MYO16: variants seen among roughly 807,000 people sequenced by gnomAD.
MYO16 encodes the protein unconventional myosin-XVI.
MYO16 carries 94 observed loss-of-function variants against 205.3 expected under a neutral mutation model. That is an observed-to-expected ratio of 0.46 (90% CI 0.39 to 0.54). The LOEUF (loss-of-function observed/expected upper bound fraction) is 0.54, where lower values mean the gene tolerates loss of function less well. Among genes scored for constraint, MYO16 ranks in the 20% least tolerant of loss-of-function variants. MYO16 has a pLI of 0.00. For missense variants in MYO16, 2,315 were observed against 2,387.5 expected (o/e 0.97, Z 0.63); for synonymous variants, 988 against 954.0 (o/e 1.04, Z -0.66).
intron 14 of MYO16, among the ~76,000 whole-genome samples, chr13:108,897,032 T>G (rs1161361578): frequency 6.6e-6 from 1 of 151,782 alleles, no homozygotes; most frequent in East Asian, 1.9e-4. Context: ...TTAAAAAAAG[T>G]GGGATCAAAG....
chr13:109,124,048 C>T (rs1594105079), intron 29 of MYO16, among the ~76,000 whole-genome samples: 1 of 152,202 alleles, frequency 6.6e-6, no homozygotes, highest in Admixed American at 6.5e-5. Context: ...CAGAATTCCT[C>T]TACCTGCACT....
At chr13:109,020,658 G>T (rs1885990065) in intron 23 of MYO16, among the ~76,000 whole-genome samples, 1 of 152,048 alleles carries the variant, frequency 6.6e-6, no homozygotes, top group Admixed American at 6.6e-5. Context: ...ATCCATGTTT[G>T]TTTATCCTCA....
chr13:108,840,370 G>T (rs746979982), intron 9 of MYO16, among the ~76,000 whole-genome samples: 31 of 152,084 alleles, frequency 2.0e-4, no homozygotes, highest in Non-Finnish European at 2.8e-4. Context: ...CAGTTGGAAG[G>T]CAGGGCATAG....
At chr13:109,178,823 A>T (rs1034723964) in intron 33 of MYO16, among the ~76,000 whole-genome samples, 4 of 152,230 alleles carry the variant, frequency 2.6e-5, no homozygotes, top group African/African-American at 9.6e-5. Flanking sequence ...GCAAAGAATT[A>T]TACAGGCCAA....
At chr13:109,154,614 A>G (rs1336565600) in intron 32 of MYO16, among the ~76,000 whole-genome samples, 1 of 152,060 alleles carries the variant, frequency 6.6e-6, no homozygotes, top group African/African-American at 2.4e-5. Flanking sequence ...TGTAGGTGTC[A>G]CCAACACGAA....
intron 1 of MYO16, among the ~76,000 whole-genome samples, chr13:108,651,140 TG>T (rs1418937397): frequency 4.6e-5 from 7 of 152,160 alleles, no homozygotes; most frequent in Non-Finnish European, 7.4e-5. Context: ...CTCCAGAGCC[TG>T]GATGTAGCTG....
intron 32 of MYO16, among the ~76,000 whole-genome samples, chr13:109,164,579 C>T (rs1484946282): frequency 6.6e-6 from 1 of 152,114 alleles, no homozygotes; most frequent in Non-Finnish European, 1.5e-5. Flanking sequence ...TCAGAAAACT[C>T]CTGAAACATG....
intron 6 of MYO16, among the ~76,000 whole-genome samples, chr13:108,803,299 A>G (rs1361161143): frequency 1.3e-5 from 2 of 152,214 alleles, no homozygotes; most frequent in Non-Finnish European, 2.9e-5. Context: ...AGTGCTACTT[A>G]TTTTAATTTC....
intron 21 of MYO16, among the ~76,000 whole-genome samples, chr13:108,995,455 A>G (rs1884971469): frequency 6.6e-6 from 1 of 152,112 alleles, no homozygotes. Flanking sequence ...TTTTATTATT[A>G]TACTTTAAGT....
At chr13:108,809,020 C>T (rs535643116) in intron 7 of MYO16, among the ~76,000 whole-genome samples, 52 of 152,238 alleles carry the variant, frequency 3.4e-4, no homozygotes, top group Non-Finnish European at 5.0e-4. Context: ...CAAAAACTTC[C>T]CAAACTTTTT....
chr13:109,014,143 A>T (rs138780410), intron 22 of MYO16, among the ~76,000 whole-genome samples: 1 of 152,164 alleles, frequency 6.6e-6, no homozygotes, highest in Non-Finnish European at 1.5e-5. Flanking sequence ...TAAATTTTGT[A>T]TAAGGTGTAA....
intron 16 of MYO16, among the ~76,000 whole-genome samples, chr13:108,949,167 C>T (rs192217741): frequency 3.4e-4 from 52 of 152,206 alleles, no homozygotes; most frequent in Non-Finnish European, 5.6e-4. Context: ...TCTGTAAGAA[C>T]GAAGATAACT....
At chr13:108,643,232 G>A (rs1270600952) in intron 1 of MYO16, among the ~76,000 whole-genome samples, 1 of 152,170 alleles carries the variant, frequency 6.6e-6, no homozygotes, top group African/African-American at 2.4e-5. Context: ...TTTCCAGAAT[G>A]TCATGTAAAT....
At chr13:108,794,217 G>T (rs972955731) in intron 6 of MYO16, among the ~76,000 whole-genome samples, 1 of 152,026 alleles carries the variant, frequency 6.6e-6, no homozygotes, top group South Asian at 2.1e-4. Flanking sequence ...AAACCCCTAA[G>T]GGGTACTATG....
rs530172889 is a variant in MYO16, at chr13:108,965,006, A to G, written c.2369+104A>G. The G allele has an allele frequency of 1.8e-5, 21 of 1,137,966 alleles. No individual in the cohort carries two copies. In the African/African-American group the frequency reaches 3.2e-4, roughly 17 times the overall value. 70.5% of individuals were successfully genotyped at this position (1,137,966 alleles called of 1,614,324 possible). A position where few individuals can be genotyped will look rare whatever the true frequency, so the allele number is the denominator to read the frequency against. Reference sequence around the variant, plus strand: ...ATATTACAGGGTAACCAATAAGTTAAACTTCATTAATATATTTTATTTTAA... The same window carrying G: ...ATATTACAGGGTAACCAATAAGTTAGACTTCATTAATATATTTTATTTTAA... On this transcript the variant is annotated intron_variant, in intron 20 of 34. Coordinates refer to ENST00000457511, the MANE Select transcript of MYO16 (RefSeq NM_001198950.3).
chr13:108,564,695 C>G, the MYO16 span, among the ~76,000 whole-genome samples: 2 of 152,138 alleles, frequency 1.3e-5, no homozygotes, highest in African/African-American at 4.8e-5. Context: ...GTTGCTTACG[C>G]TTGTAGAATA....
chr13:108,826,412 AAATT>A (rs2139029179), intron 9 of MYO16, among the ~76,000 whole-genome samples: 1 of 152,298 alleles, frequency 6.6e-6, no homozygotes, highest in African/African-American at 2.4e-5. Context: ...TCATACATAA[AAATT>A]AACTCAAAAT....
intron 23 of MYO16, among the ~76,000 whole-genome samples, chr13:109,022,932 CAT>C (rs920162952): frequency 3.7e-5 from 5 of 133,450 alleles, no homozygotes; most frequent in South Asian, 2.4e-4. Context: ...ATTATATACA[CAT>C]GTAAATATAT....
chr13:108,623,943 T>C (rs899092670), intron 1 of MYO16, among the ~76,000 whole-genome samples: 81 of 152,110 alleles, frequency 5.3e-4, no homozygotes, highest in Non-Finnish European at 7.5e-4. Context: ...ATTTAAGCAA[T>C]AAAAAAATCA....
Sources: gnomAD v4.1 joint callset for allele counts (sites outside exome capture counted in the v4.1 genomes callset) on GRCh38, gnomAD v4.1.1 for gene constraint, MANE v1.5 for transcripts, NCBI Gene and HGNC (gene_info 2026-07-23, HGNC 2026-07-21) for gene names.